TRABD2B: variants seen among roughly 807,000 people sequenced by gnomAD.
The protein encoded by TRABD2B is metalloprotease TIKI2.
TRABD2B carries 14 observed loss-of-function variants against 40.1 expected under a neutral mutation model. The observed-to-expected ratio is 0.35, with a 90% CI of 0.23 to 0.55. The LOEUF (loss-of-function observed/expected upper bound fraction) is 0.55. TRABD2B is among the 20% of genes least tolerant of loss of function. TRABD2B has a pLI of 0.90. For missense variants in TRABD2B, 541 were observed against 648.6 expected (o/e 0.83, Z 1.80); for synonymous variants, 263 against 277.0 (o/e 0.95, Z 0.50).
chr1:47,983,758 A>AAT (rs56788555), intron 2 of TRABD2B, among the ~76,000 whole-genome samples: 1 of 86,140 alleles, frequency 1.2e-5, no homozygotes, highest in Admixed American at 1.1e-4. Flanking sequence ...CAAAAAAAGA[A>AAT]AAAAAAAAAA....
chr1:47,914,917 G>A (rs538331649), intron 2 of TRABD2B, among the ~76,000 whole-genome samples: 40 of 152,342 alleles, frequency 2.6e-4, no homozygotes, highest in Non-Finnish European at 4.6e-4. Flanking sequence ...TCTGTGGCCC[G>A]TGCTCTGGGT....
intron 2 of TRABD2B, among the ~76,000 whole-genome samples, chr1:47,954,661 C>G (rs1022294552): frequency 3.3e-5 from 5 of 152,056 alleles, no homozygotes; most frequent in Non-Finnish European, 7.4e-5. Flanking sequence ...GTGTGTGTGT[C>G]TGTATGTGTG....
intron 2 of TRABD2B, among the ~76,000 whole-genome samples, chr1:47,858,920 A>G (rs1378506978): frequency 6.6e-6 from 1 of 152,196 alleles, no homozygotes; most frequent in Admixed American, 6.5e-5. Flanking sequence ...CATGGGAACC[A>G]TGGTGGCTTA....
chr1:47,859,625 C>T (rs1246484418), intron 2 of TRABD2B, among the ~76,000 whole-genome samples: 1 of 152,198 alleles, frequency 6.6e-6, no homozygotes, highest in Non-Finnish European at 1.5e-5. Flanking sequence ...GTGGCCAGAG[C>T]ATGCCTTAGC....
chr1:47,822,392 T>C (rs1008241386), intron 2 of TRABD2B, among the ~76,000 whole-genome samples: 1 of 152,212 alleles, frequency 6.6e-6, no homozygotes, highest in African/African-American at 2.4e-5. Context: ...CTCAACTATC[T>C]TGGGACTCAA....
chr1:47,846,857 TAC>T (rs67359073), intron 2 of TRABD2B, among the ~76,000 whole-genome samples: 5,031 of 106,362 alleles, frequency 0.047, 118 homozygotes, highest in South Asian at 0.096. Context: ...AAAACATGCA[TAC>T]ACACACACAC....
intron 2 of TRABD2B, among the ~76,000 whole-genome samples, chr1:47,981,481 A>C (rs1428612730): frequency 6.6e-6 from 1 of 152,136 alleles, no homozygotes; most frequent in African/African-American, 2.4e-5. Context: ...GGCTGAATCT[A>C]CTTGAGAGAC....
rs1645733014 is a variant in TRABD2B, at chr1:47,974,883, A to G, written c.666+19151T>C. Among the ~76,000 whole-genome samples the G allele has an allele frequency of 2.6e-5, 4 of 152,352 alleles. No homozygotes were observed. In the South Asian group the frequency reaches 8.3e-4, roughly 32 times the overall value. Reference sequence around the variant, plus strand: ...CATGTACCTTTGATATGATGTGAGGAGAATAGCACTTTGCCTCTGTGGCCT... The same window carrying G: ...CATGTACCTTTGATATGATGTGAGGGGAATAGCACTTTGCCTCTGTGGCCT... On this transcript the variant is annotated intron_variant, in intron 2 of 6. Coordinates refer to ENST00000606738, the MANE Select transcript of TRABD2B (RefSeq NM_001194986.2).
At chr1:47,967,319 A>C (rs1557685493) in intron 2 of TRABD2B, among the ~76,000 whole-genome samples, 1 of 144,064 alleles carries the variant, frequency 6.9e-6, no homozygotes, top group East Asian at 2.1e-4. Context: ...TTATGAGTGT[A>C]TGTGAATAAG....
intron 4 of TRABD2B, among the ~76,000 whole-genome samples, chr1:47,790,780 T>C (rs1240353117): frequency 6.6e-6 from 1 of 152,222 alleles, no homozygotes; most frequent in Admixed American, 6.5e-5. Context: ...TGTTACGTAA[T>C]CAGAGAGCCT....
intron 2 of TRABD2B, among the ~76,000 whole-genome samples, chr1:47,978,390 AAG>A (rs1218931048): frequency 6.6e-6 from 1 of 152,216 alleles, no homozygotes; most frequent in Non-Finnish European, 1.5e-5. Context: ...TGAACAGACT[AAG>A]ACAACTATCC....
intron 4 of TRABD2B, among the ~76,000 whole-genome samples, chr1:47,782,971 C>T (rs769617357): frequency 4.6e-5 from 7 of 152,080 alleles, no homozygotes; most frequent in East Asian, 1.9e-4. Context: ...CAGGAAGATA[C>T]GTTCCATTTC....
intron 2 of TRABD2B, among the ~76,000 whole-genome samples, chr1:47,918,774 G>A (rs1644863067): frequency 6.6e-6 from 1 of 152,152 alleles, no homozygotes; most frequent in Admixed American, 6.5e-5. Context: ...GAAAATCAGC[G>A]ACCAAGGTCC....
intron 6 of TRABD2B, among the ~76,000 whole-genome samples, chr1:47,767,163 A>G (rs763350578): frequency 5.9e-5 from 9 of 152,208 alleles, no homozygotes; most frequent in Non-Finnish European, 1.2e-4. Context: ...TGTGGACGAG[A>G]GGGACAGGCT....
intron 2 of TRABD2B, among the ~76,000 whole-genome samples, chr1:47,949,749 C>T (rs187000567): frequency 3.2e-3 from 485 of 152,102 alleles, no homozygotes; most frequent in Admixed American, 9.4e-3. Flanking sequence ...GGATCTGTGT[C>T]CCCAAGGTCC....
In TRABD2B at chr1:47,996,435, A is replaced by G. The variant is rs1325600546; in HGVS notation, c.102+253T>C. Reference sequence around the variant, plus strand: ...AGAGAGGAGGCGTCCAAGCAGGACCACAAGTCAAGAGGAGAGCCCCAGAGC... The same window carrying G: ...AGAGAGGAGGCGTCCAAGCAGGACCGCAAGTCAAGAGGAGAGCCCCAGAGC... On this transcript the variant is annotated intron_variant, in intron 1 of 6. Transcript: ENST00000606738. This position sits in a 1 kb window ranked among gnomAD's most constrained non-coding sequence, Gnocchi z 4.6. 3.3e-5 allele frequency among the ~76,000 whole-genome samples: 5 copies of G among 152,322 alleles called. No individual in the cohort carries two copies. Among genetic ancestry groups the G allele is most frequent in the African/African-American group, 1.2e-4 (5 of 41,582 alleles).
At chr1:47,978,616 AGAGT>A (rs985866845) in intron 2 of TRABD2B, among the ~76,000 whole-genome samples, 6 of 152,188 alleles carry the variant, frequency 3.9e-5, no homozygotes, top group Non-Finnish European at 5.9e-5. Flanking sequence ...CATGAGACAG[AGAGT>A]GTGTGTTCCT....
chr1:47,912,731 GT>G (rs1460458692), intron 2 of TRABD2B, among the ~76,000 whole-genome samples: 2 of 152,148 alleles, frequency 1.3e-5, no homozygotes, highest in Non-Finnish European at 2.9e-5. Flanking sequence ...CAGGTTGGGG[GT>G]CCTCCGGGGC....
chr1:47,765,275 G>A lies in TRABD2B; in HGVS notation c.*627C>T, dbSNP rs1644288259. On this transcript the variant is annotated 3_prime_UTR_variant, in exon 7 of 7. Transcript: ENST00000606738. Reference sequence around the variant, plus strand: ...CCTCCCACCCCACCCCAGCGCTTTGGTTGAAAACACTTACCAAGAGCTCTG... The same window carrying A: ...CCTCCCACCCCACCCCAGCGCTTTGATTGAAAACACTTACCAAGAGCTCTG... 6.6e-6 allele frequency: 1 copy of A among 152,458 alleles called. No homozygotes were observed. Among genetic ancestry groups the A allele is most frequent in the African/African-American group, 2.4e-5 (1 of 41,422 alleles). 9.4% of individuals were successfully genotyped at this position (152,458 alleles called of 1,614,324 possible).
Sources: gnomAD v4.1 joint callset for allele counts (sites outside exome capture counted in the v4.1 genomes callset) on GRCh38, gnomAD v4.1.1 for gene constraint, Gnocchi (gnomAD v3.1) non-coding constraint, MANE v1.5 for transcripts, NCBI Gene and HGNC (gene_info 2026-07-23, HGNC 2026-07-21) for gene names.